Variants in RAB3IL1 observed in about 807,000 individuals in gnomAD.
RAB3IL1 encodes the protein RAB3A interacting protein like 1.
In RAB3IL1, 37 loss-of-function variants were observed where a neutral mutation model predicts 49.2. That is an observed-to-expected ratio of 0.75 (90% CI 0.58 to 0.99). The LOEUF (loss-of-function observed/expected upper bound fraction) is 0.99, where lower values mean the gene tolerates loss of function less well. RAB3IL1 is among the 50% of genes least tolerant of loss of function. The pLI, the probability that RAB3IL1 is intolerant of heterozygous loss-of-function variation, is 0.00. For synonymous variants in RAB3IL1, 193 were observed against 213.9 expected (o/e 0.90, Z 0.85); for missense variants, 484 against 513.0 (o/e 0.94, Z 0.55).
At chr11:61,927,421 G>A in the RAB3IL1 span, among the ~76,000 whole-genome samples, 1 of 152,168 alleles carries the variant, frequency 6.6e-6, no homozygotes, top group African/African-American at 2.4e-5. Context: ...TACAAGGATA[G>A]GGGAAGTGCA....
the RAB3IL1 span, among the ~76,000 whole-genome samples, chr11:61,930,738 A>T: frequency 6.6e-6 from 1 of 152,222 alleles, no homozygotes; most frequent in Middle Eastern, 3.2e-3. Context: ...TGATCATGCC[A>T]CTGCACTCAG....
chr11:61,936,471 A>G, the RAB3IL1 span, among the ~76,000 whole-genome samples: 1 of 152,188 alleles, frequency 6.6e-6, no homozygotes, highest in Non-Finnish European at 1.5e-5. Flanking sequence ...GCACGATCTC[A>G]GCTCACTGTA....
At chr11:61,943,000 A>G in the RAB3IL1 span, among the ~76,000 whole-genome samples, 1 of 152,230 alleles carries the variant, frequency 6.6e-6, no homozygotes, top group East Asian at 1.9e-4. Flanking sequence ...AGAAATGGGC[A>G]AGGCGATCCT....
the RAB3IL1 span, among the ~76,000 whole-genome samples, chr11:61,932,485 GTTCA>G: frequency 6.6e-6 from 1 of 152,070 alleles, no homozygotes; most frequent in African/African-American, 2.4e-5. Context: ...CATTTTAATA[GTTCA>G]TTCATTCAGC....
At chr11:61,934,420 A>ATGTGTGTGTGTG in the RAB3IL1 span, among the ~76,000 whole-genome samples, 1 of 61,814 alleles carries the variant, frequency 1.6e-5, no homozygotes, top group African/African-American at 6.0e-5. Context: ...ATACATATAT[A>ATGTGTGTGTGTG]TGTGTATGTG....
chr11:61,901,970 G>A (rs1303622597), intron 8 of RAB3IL1, among the ~76,000 whole-genome samples: 1 of 152,226 alleles, frequency 6.6e-6, no homozygotes, highest in African/African-American at 2.4e-5. Flanking sequence ...GCTTGGCTGT[G>A]TGGCCCGAGT....
At chr11:61,918,457 G>A (rs571390066), upstream of RAB3IL1, among the ~76,000 whole-genome samples, 6 of 152,358 alleles carry the variant, frequency 3.9e-5, no homozygotes, top group Admixed American at 1.3e-4. Context: ...GACTCAGGCC[G>A]CAGGCTCAAG....
Position 61,899,347 on chromosome 11 carries a change from G to A in RAB3IL1, c.1033C>T (p.Arg345Cys), listed in dbSNP as rs546971077. 3.1e-6 allele frequency: 5 copies of A among 1,608,982 alleles called. No homozygotes were observed. Among genetic ancestry groups the A allele is most frequent in the East Asian group, 2.2e-5 (1 of 44,856 alleles). The part of the protein sequence containing the change: ...TAVCNFFTYI[R>C]YIQQGLVRQD... ...CGCACCAGGCCTTGCTGGATGTAGCGGATGTAGGTGAAGAAGTTGCACACT... is the reference window on the plus strand; with the variant it reads ...CGCACCAGGCCTTGCTGGATGTAGCAGATGTAGGTGAAGAAGTTGCACACT... The change falls in exon 9 of 10, where the codon CGC becomes TGC. Residue 345 changes from arginine (R) to cysteine (C), a missense_variant. By Grantham distance (180) the Arg-to-Cys change is radical. Transcript: ENST00000394836.
chr11:61,906,448 C>T lies in RAB3IL1; in HGVS notation c.657+18G>A, dbSNP rs940367941. Reference sequence around the variant, plus strand: ...CTGCCACCCTTCCCCGTGCCCAGAGCCCGCTTCCCACCCTCACCTCCTTGC... The same window carrying T: ...CTGCCACCCTTCCCCGTGCCCAGAGTCCGCTTCCCACCCTCACCTCCTTGC... On this transcript the variant is annotated intron_variant, in intron 5 of 9. Coordinates refer to ENST00000394836, the MANE Select transcript of RAB3IL1 (RefSeq NM_013401.4). This position sits in a 1 kb window ranked among gnomAD's most constrained non-coding sequence, Gnocchi z 4.6. The T allele has an allele frequency of 3.9e-6, 6 of 1,538,660 alleles. No homozygotes were observed. Among genetic ancestry groups the T allele is most frequent in the East Asian group, 4.9e-5 (2 of 40,906 alleles).
At chr11:61,920,396 CAGAAG>C, upstream of RAB3IL1, 1 of 597,724 alleles carries the variant, frequency 1.7e-6, no homozygotes, top group Non-Finnish European at 2.4e-6. Flanking sequence ...CCTCAGGCAG[CAGAAG>C]ACACTGGGCC....
rs1170726048 is a variant in RAB3IL1 at position 61,906,425 on chromosome 11, GCCAC to G, written c.657+37_657+40del. 2.0e-6 allele frequency: 3 copies of G among 1,517,278 alleles called. No individual in the cohort carries two copies. The highest frequency in any genetic ancestry group is 1.8e-6 in the Non-Finnish European group (2 of 1,128,898). 94.0% of individuals were successfully genotyped at this position (1,517,278 alleles called of 1,614,324 possible). ...TCGGACCCTGCCTACCGCAGGCACT[GCCAC>G]CCTTCCCCGTGCCCAGAGCCCGCTT... On this transcript the variant is annotated intron_variant, in intron 5 of 9. Coordinates refer to ENST00000394836, the MANE Select transcript of RAB3IL1 (RefSeq NM_013401.4). This position sits in a 1 kb window ranked among gnomAD's most constrained non-coding sequence, Gnocchi z 4.6.
chr11:61,909,399 A>G (rs1939361863), intron 1 of RAB3IL1, among the ~76,000 whole-genome samples: 1 of 152,148 alleles, frequency 6.6e-6, no homozygotes, highest in Admixed American at 6.5e-5. Flanking sequence ...GCAGCCCCTG[A>G]GCCTCAGTTT....
Position 61,908,248 on chromosome 11 carries a change from T to G in RAB3IL1, c.70A>C (p.Lys24Gln). ...TGGCCTTGGCAGGGGTCCGTGCTCT[T>G]CCAGGGGACCGGGACAGCTGCAAGG... is the stretch of plus-strand genomic sequence containing the variant. ...PPLAAVPVPW[K>Q]STDPCQGHRE... The change falls in exon 2 of 10, where the codon AAG (lysine) becomes CAG (glutamine). Residue 24 changes from lysine to glutamine, a missense_variant. Lys to Gln is a moderately conservative substitution (Grantham distance 53). Transcript: ENST00000394836. 6.5e-7 allele frequency: 1 copy of G among 1,529,428 alleles called. No individual in the cohort carries two copies. Among genetic ancestry groups the G allele is most frequent in the South Asian group, 1.2e-5 (1 of 82,912 alleles). The allele number at this position is 1,529,428 out of a possible 1,614,324, so 94.7% of individuals were successfully genotyped here.
At chr11:61,934,319 T>TATATACAC in the RAB3IL1 span, among the ~76,000 whole-genome samples, 53 of 126,560 alleles carry the variant, frequency 4.2e-4, no homozygotes, top group South Asian at 4.0e-3. Context: ...TGAGTAAATA[T>TATATACAC]ACACACACAC....
the RAB3IL1 span, among the ~76,000 whole-genome samples, chr11:61,926,155 C>T: frequency 7.7e-6 from 1 of 130,258 alleles, no homozygotes; most frequent in Admixed American, 7.6e-5. Context: ...AATAACTTGG[C>T]GAAAATATTC....
intron 8 of RAB3IL1, among the ~76,000 whole-genome samples, chr11:61,900,289 C>CAGA (rs1413534896): frequency 2.6e-5 from 4 of 152,240 alleles, no homozygotes; most frequent in Non-Finnish European, 5.9e-5. Context: ...TGAGGCTCTG[C>CAGA]CTCTTCGGAA....
rs1939744580 is a variant in RAB3IL1, at chr11:61,917,388, A to G, written c.-21T>C. 2.4e-6 allele frequency: 3 copies of G among 1,240,460 alleles called. No homozygotes were observed. Among genetic ancestry groups the G allele is most frequent in the Non-Finnish European group, 3.0e-6 (3 of 993,952 alleles). The allele number at this position is 1,240,460 out of a possible 1,614,324, so 76.8% of individuals were successfully genotyped here. A position where few individuals can be genotyped will look rare whatever the true frequency, so the allele number is the denominator to read the frequency against. ...CACATCCCGGCGCCTCGGGGCGCCC[A>G]GGCGTCCGTTCCCAGCGCCGCCGCG... On this transcript the variant is annotated 5_prime_UTR_variant, in exon 1 of 10. Transcript: ENST00000394836.
intron 7 of RAB3IL1, among the ~76,000 whole-genome samples, chr11:61,903,685 G>A (rs1008266962): frequency 6.6e-6 from 1 of 152,028 alleles, no homozygotes; most frequent in African/African-American, 2.4e-5. Flanking sequence ...CACCACACCC[G>A]GCTAACTTTT....
chr11:61,928,846 A>G, the RAB3IL1 span, among the ~76,000 whole-genome samples: 1 of 152,222 alleles, frequency 6.6e-6, no homozygotes, highest in Admixed American at 6.5e-5. Context: ...CAGCACATAA[A>G]GATGCTAGCC....
Sources: gnomAD v4.1 joint callset for allele counts (sites outside exome capture counted in the v4.1 genomes callset) on GRCh38, gnomAD v4.1.1 for gene constraint, Gnocchi (gnomAD v3.1) non-coding constraint, MANE v1.5 for transcripts, NCBI Gene and HGNC (gene_info 2026-07-23, HGNC 2026-07-21) for gene names.